KPNB1: variants seen among roughly 807,000 people sequenced by gnomAD.
KPNB1 encodes the protein karyopherin subunit beta 1.
In KPNB1, 7 loss-of-function variants were observed where a neutral mutation model predicts 113.0. That is an observed-to-expected ratio of 0.06 (90% CI 0.04 to 0.12). The LOEUF is 0.12. Ranked by LOEUF, KPNB1 falls within the 10% of genes least tolerant of loss-of-function variation. The pLI, the probability that KPNB1 is intolerant of heterozygous loss-of-function variation, is 1.00. For synonymous variants in KPNB1, 363 were observed against 378.6 expected (o/e 0.96, Z 0.48); for missense variants, 400 against 1,054.8 (o/e 0.38, Z 8.60).
At chr17:47,659,506 A>G (rs535100873) in intron 5 of KPNB1, among the ~76,000 whole-genome samples, 3 of 152,194 alleles carry the variant, frequency 2.0e-5, no homozygotes, top group East Asian at 3.9e-4. Context: ...TAATCCCAAC[A>G]CTTTGGGCCA....
intron 14 of KPNB1, 73 bp from the exon 15 acceptor site, chr17:47,674,565 A>G: frequency 7.0e-7 from 1 of 1,430,220 alleles, no homozygotes; most frequent in Non-Finnish European, 9.4e-7. Flanking sequence ...AATTGATTTT[A>G]AAAAGAAAAG....
At chr17:47,663,009 A>G in intron 6 of KPNB1, 80 bp from the exon 7 acceptor site, 3 of 794,424 alleles carry the variant, frequency 3.8e-6, no homozygotes, top group East Asian at 2.4e-5. Context: ...CCTTAGGATT[A>G]TTGGCCCATT....
At chr17:47,666,394 T>TTGTG (rs140549997) in intron 9 of KPNB1, among the ~76,000 whole-genome samples, 27,225 of 139,514 alleles carry the variant, frequency 0.2, 3,090 homozygotes, top group Non-Finnish European at 0.26. Context: ...GTCTTTACTT[T>TTGTG]TGTGTGTGTG....
At chr17:47,651,724 G>A (rs1441209558) in intron 2 of KPNB1, among the ~76,000 whole-genome samples, 1 of 152,190 alleles carries the variant, frequency 6.6e-6, no homozygotes, top group East Asian at 1.9e-4. Context: ...TGTGATTGCA[G>A]AGCTTGTTAG....
At chr17:47,661,037 T>G (rs932260037) in intron 5 of KPNB1, 82 bp from the exon 6 acceptor site, 2 of 1,131,318 alleles carry the variant, frequency 1.8e-6, no homozygotes, top group African/African-American at 3.1e-5. Context: ...AGTGAGAGGT[T>G]TTCCTTGTAG....
At chr17:47,651,136 G>A in intron 2 of KPNB1, 1 of 820,160 alleles carries the variant, frequency 1.2e-6, no homozygotes, top group Non-Finnish European at 1.5e-6. Flanking sequence ...TCATCTTTGA[G>A]ATGGGGCCTG....
chr17:47,652,285 G>C (rs1024306608), intron 2 of KPNB1, among the ~76,000 whole-genome samples: 3 of 152,128 alleles, frequency 2.0e-5, no homozygotes, highest in Non-Finnish European at 4.4e-5. Flanking sequence ...CATCATAACA[G>C]CCATTCATTT....
intron 6 of KPNB1, among the ~76,000 whole-genome samples, chr17:47,661,987 A>G (rs1014233800): frequency 2.0e-5 from 3 of 152,216 alleles, no homozygotes; most frequent in African/African-American, 7.2e-5. Context: ...TGTAGCCATT[A>G]AAGCAGCTTT....
chr17:47,650,051 G>A lies in KPNB1; in HGVS notation c.-194G>A. On this transcript the variant is annotated 5_prime_UTR_variant, in exon 1 of 22. Coordinates refer to ENST00000290158, the MANE Select transcript of KPNB1 (RefSeq NM_002265.6). ...CCAGCAGCCCATTTGGAGGGAGGAA[G>A]TAAGGGAAGAGGAGAGGAAGGGGAG... 6.6e-6 allele frequency: 9 copies of A among 1,367,250 alleles called. No homozygotes were observed. Among genetic ancestry groups the A allele is most frequent in the East Asian group, 6.0e-5 (2 of 33,498 alleles). 84.7% of individuals were successfully genotyped at this position (1,367,250 alleles called of 1,614,324 possible).
chr17:47,678,495 C>A, intron 19 of KPNB1, 82 bp downstream of exon 19: 1 of 944,850 alleles, frequency 1.1e-6, no homozygotes, highest in South Asian at 1.4e-5. Context: ...TTCTGTAGCT[C>A]GCTTGTGAAC....
chr17:47,650,561 T>TCCCCCCTCCCCCTCCCC, intron 2 of KPNB1, 117 bp downstream of exon 2: 1 of 403,534 alleles, frequency 2.5e-6, no homozygotes, highest in South Asian at 2.7e-5. Context: ...CCCGTCCCCC[T>TCCCCCCTCCCCCTCCCC]CCCCCCTCCC....
At position 47,678,195 on chromosome 17, in the gene KPNB1, C is replaced by T; in HGVS notation, c.2247+6C>T. The T allele has an allele frequency of 6.2e-7, 1 of 1,614,038 alleles. No homozygotes were observed. The highest frequency in any genetic ancestry group is 2.2e-5 in the East Asian group (1 of 44,888). On this transcript the variant is annotated splice_donor_region_variant and intron_variant, in intron 18 of 21. Coordinates refer to ENST00000290158, the MANE Select transcript of KPNB1 (RefSeq NM_002265.6). ...CCCAAGCCCAGGTGGACAAGGTAAGCTTAAAGCTATCTTGGCTGTTCTTTA... is the reference window on the plus strand; with the variant it reads ...CCCAAGCCCAGGTGGACAAGGTAAGTTTAAAGCTATCTTGGCTGTTCTTTA...
At chr17:47,658,131 T>C (rs946412121) in intron 4 of KPNB1, among the ~76,000 whole-genome samples, 1 of 152,184 alleles carries the variant, frequency 6.6e-6, no homozygotes, top group Non-Finnish European at 1.5e-5. Context: ...AAGCTCCTTA[T>C]GGCAGTCTTT....
At chr17:47,670,423 A>G (rs1567892598) in intron 11 of KPNB1, 1 of 281,606 alleles carries the variant, frequency 3.6e-6, no homozygotes, top group Admixed American at 4.6e-5. Context: ...ATTATCAGAC[A>G]GGATTTCTGT....
chr17:47,650,820 T>C (rs1420081714), intron 2 of KPNB1, among the ~76,000 whole-genome samples: 1 of 152,128 alleles, frequency 6.6e-6, no homozygotes, highest in African/African-American at 2.4e-5. Flanking sequence ...ATGTGGAAGC[T>C]CCGGGCCCGG....
At chr17:47,677,253 C>T (rs931874105) in intron 17 of KPNB1, 126 bp downstream of exon 17, 4 of 734,020 alleles carry the variant, frequency 5.4e-6, no homozygotes, top group African/African-American at 1.7e-5. Context: ...GAGGCCGAGG[C>T]AGGCCAGGAG....
In KPNB1 at chr17:47,685,033, T is replaced by TG. The variant is rs1177815677; in HGVS notation, c.*2630dup. ...GCTTGGGAAGATGTCAGTGCAAATG[T>TG]GAAGATAATGGGCATCGGACTAGGC... is the stretch of plus-strand genomic sequence containing the variant. On this transcript the variant is annotated 3_prime_UTR_variant, in exon 22 of 22. Coordinates refer to ENST00000290158, the MANE Select transcript of KPNB1 (RefSeq NM_002265.6). 3.3e-5 allele frequency: 5 copies of TG among 152,176 alleles called. No individual in the cohort carries two copies. Among genetic ancestry groups the TG allele is most frequent in the African/African-American group, 1.2e-4 (5 of 41,452 alleles). The allele number at this position is 152,176 out of a possible 1,614,324, so 9.4% of individuals were successfully genotyped here.
At position 47,676,543 on chromosome 17, in the gene KPNB1, T is replaced by C. The variant is rs777708091; in HGVS notation, c.1995+52T>C. ...GTTCCCATTTATATCTGACAGTCACTGTAGTGCACGCAAAACCAGGTTCTT... is the reference window on the plus strand; with the variant it reads ...GTTCCCATTTATATCTGACAGTCACCGTAGTGCACGCAAAACCAGGTTCTT... On this transcript the variant is annotated intron_variant, in intron 16 of 21. Transcript: ENST00000290158. 5 of 1,363,440 alleles carry C rather than the reference T, an allele frequency of 3.7e-6. No homozygotes were observed. In the East Asian group the frequency reaches 1.1e-4, roughly 31 times the overall value. 84.5% of individuals were successfully genotyped at this position (1,363,440 alleles called of 1,614,324 possible). A position where few individuals can be genotyped will look rare whatever the true frequency, so the allele number is the denominator to read the frequency against.
intron 14 of KPNB1, 109 bp downstream of exon 14, chr17:47,673,670 A>G (rs1339013109): frequency 6.0e-6 from 5 of 828,998 alleles, no homozygotes; most frequent in Non-Finnish European, 1.0e-5. Flanking sequence ...GATGATGCGG[A>G]TCAGAAGCTG....
Sources: allele counts gnomAD v4.1 joint callset (sites outside exome capture counted in the v4.1 genomes callset), GRCh38; gene constraint gnomAD v4.1.1; transcripts MANE v1.5; gene names NCBI Gene and HGNC (gene_info 2026-07-23, HGNC 2026-07-21).